Variants in FHIP1A observed in about 807,000 individuals in gnomAD.
FHIP1A encodes FHF complex subunit HOOK interacting protein 1A, also known as FHF complex subunit HOOK-interacting protein 1A.
FHIP1A carries 61 observed loss-of-function variants against 88.6 expected under a neutral mutation model. The observed-to-expected ratio is 0.69, with a 90% CI of 0.56 to 0.85. The LOEUF is 0.85. Ranked by LOEUF, FHIP1A falls within the 40% of genes least tolerant of loss-of-function variation. The probability of loss-of-function intolerance (pLI) is 0.00; values close to 1 mark genes in which losing one functional copy is unlikely to be tolerated. For synonymous variants in FHIP1A, 478 were observed against 496.0 expected (o/e 0.96, Z 0.48); for missense variants, 1,154 against 1,273.5 (o/e 0.91, Z 1.43).
At chr4:151,516,875 A>ACAATGTGGAACTAG (rs1731259325) in intron 3 of FHIP1A, among the ~76,000 whole-genome samples, 9 of 151,912 alleles carry the variant, frequency 5.9e-5, no homozygotes, top group Admixed American at 5.9e-4. Flanking sequence ...TAGTTCAACC[A>ACAATGTGGAACTAG]TTGTGGAAGT....
chr4:151,581,853 C>T (rs978744535), intron 5 of FHIP1A, among the ~76,000 whole-genome samples: 4 of 152,196 alleles, frequency 2.6e-5, no homozygotes, highest in African/African-American at 9.6e-5. Flanking sequence ...AATCGGACCA[C>T]TTTTGGAAAC....
At chr4:151,437,231 T>C (rs1053686209) in intron 1 of FHIP1A, among the ~76,000 whole-genome samples, 1 of 152,032 alleles carries the variant, frequency 6.6e-6, no homozygotes, top group Non-Finnish European at 1.5e-5. Context: ...GTGGTGATCA[T>C]GTTAAGGAGA....
At chr4:151,652,330 A>G (rs1478753973) in intron 11 of FHIP1A, among the ~76,000 whole-genome samples, 2 of 152,206 alleles carry the variant, frequency 1.3e-5, no homozygotes, top group Non-Finnish European at 2.9e-5. Flanking sequence ...GCTTTAGGAA[A>G]CATCTCTCTT....
chr4:151,555,602 A>G (rs1419493924), intron 3 of FHIP1A, among the ~76,000 whole-genome samples: 1 of 152,134 alleles, frequency 6.6e-6, no homozygotes, highest in Non-Finnish European at 1.5e-5. Flanking sequence ...AAAACTCTCA[A>G]CTGTGTACAG....
At chr4:151,417,971 A>G (rs2709824) in intron 1 of FHIP1A, among the ~76,000 whole-genome samples, 53,359 of 151,720 alleles carry the variant, frequency 0.35, 9,979 homozygotes, top group Non-Finnish European at 0.43. Flanking sequence ...GAAGTTTGAC[A>G]CCAGCCTGGG....
intron 7 of FHIP1A, among the ~76,000 whole-genome samples, chr4:151,617,493 A>G (rs1220290045): frequency 6.6e-6 from 1 of 152,098 alleles, no homozygotes; most frequent in Non-Finnish European, 1.5e-5. Context: ...ATGCAGATGT[A>G]AAGTCTGATC....
intron 2 of FHIP1A, among the ~76,000 whole-genome samples, chr4:151,470,502 A>G (rs1322055250): frequency 6.6e-6 from 1 of 152,162 alleles, no homozygotes; most frequent in Non-Finnish European, 1.5e-5. Context: ...GTCAGTAAAA[A>G]AGGTATTAGT....
At chr4:151,601,010 G>A (rs539938010) in intron 7 of FHIP1A, among the ~76,000 whole-genome samples, 3 of 152,232 alleles carry the variant, frequency 2.0e-5, no homozygotes, top group Non-Finnish European at 4.4e-5. Flanking sequence ...AAGAATTTGT[G>A]GCCATATTCT....
At position 151,669,132 on chromosome 4, in the gene FHIP1A, G is replaced by C. The variant is rs1211860793; in HGVS notation, c.*6378G>C. On this transcript the variant is annotated 3_prime_UTR_variant, in exon 14 of 14. Transcript: ENST00000435205. ...TTTGCGAATTTCTTGGGGTGTTAAT[G>C]TAAACATATCTTTAGAATATCTCAT... Among the ~76,000 whole-genome samples, 1 of 152,242 alleles carries C rather than the reference G, an allele frequency of 6.6e-6. No homozygotes were observed. Among genetic ancestry groups the C allele is most frequent in the Non-Finnish European group, 1.5e-5 (1 of 68,052 alleles).
intron 3 of FHIP1A, among the ~76,000 whole-genome samples, chr4:151,488,647 G>A (rs558163602): frequency 2.6e-5 from 4 of 152,164 alleles, no homozygotes; most frequent in Admixed American, 1.3e-4. Flanking sequence ...TTTCCTTTGG[G>A]TATATACCCA....
At chr4:151,559,635 A>G (rs1219056467) in intron 3 of FHIP1A, among the ~76,000 whole-genome samples, 1 of 152,210 alleles carries the variant, frequency 6.6e-6, no homozygotes, top group Non-Finnish European at 1.5e-5. Flanking sequence ...ATAGTATTCC[A>G]TTACATAGAA....
chr4:151,567,698 T>C (rs1733441116), intron 4 of FHIP1A, among the ~76,000 whole-genome samples: 1 of 152,186 alleles, frequency 6.6e-6, no homozygotes, highest in African/African-American at 2.4e-5. Context: ...GAAGGTCTGT[T>C]TCTATCTTTA....
At position 151,485,282 on chromosome 4, in the gene FHIP1A, G is replaced by GTTTTTTTTTTTT. The variant is rs74327398; in HGVS notation, c.-123+2643_-123+2654dup. ...TCGAGCATAGTTTGGATCTTTTCCAGTTTTTTTTTTTTTTTTTTTTGTCTG... is the reference window on the plus strand; with the variant it reads ...TCGAGCATAGTTTGGATCTTTTCCAGTTTTTTTTTTTTTTTTTTTTTTTTTTTTTTTTGTCTG... On this transcript the variant is annotated intron_variant, in intron 3 of 13. Transcript: ENST00000435205. Among the ~76,000 whole-genome samples, 113 of 118,712 alleles carry GTTTTTTTTTTTT rather than the reference G, an allele frequency of 9.5e-4. 2 individuals carry two copies. The highest frequency in any genetic ancestry group is 4.7e-3 in the Middle Eastern group (1 of 214). The allele number at this position is 118,712 out of a possible 152,430, so 77.9% of individuals were successfully genotyped here. A position where few individuals can be genotyped will look rare whatever the true frequency, so the allele number is the denominator to read the frequency against.
At chr4:151,574,814 G>A (rs912929968) in intron 4 of FHIP1A, among the ~76,000 whole-genome samples, 2 of 151,934 alleles carry the variant, frequency 1.3e-5, no homozygotes, top group East Asian at 1.9e-4. Flanking sequence ...GATATAAAAC[G>A]AATTTACTTA....
intron 8 of FHIP1A, among the ~76,000 whole-genome samples, chr4:151,638,315 T>TGTGTGTGTGTGTG (rs1736435392): frequency 7.0e-6 from 1 of 143,818 alleles, no homozygotes. Flanking sequence ...AAATAGGAGA[T>TGTGTGTGTGTGTG]TGTGTGTGTG....
chr4:151,605,377 G>T (rs1325576031), intron 7 of FHIP1A, among the ~76,000 whole-genome samples: 1 of 152,136 alleles, frequency 6.6e-6, no homozygotes, highest in African/African-American at 2.4e-5. Context: ...AGATGGAAGG[G>T]AAGATAATTA....
intron 3 of FHIP1A, among the ~76,000 whole-genome samples, chr4:151,532,710 G>A (rs1308158377): frequency 1.3e-5 from 2 of 152,172 alleles, no homozygotes; most frequent in African/African-American, 4.8e-5. Context: ...GATAGTAGGA[G>A]AAGACATACT....
chr4:151,532,302 C>T (rs1452860099), intron 3 of FHIP1A, among the ~76,000 whole-genome samples: 1 of 152,144 alleles, frequency 6.6e-6, no homozygotes, highest in African/African-American at 2.4e-5. Flanking sequence ...TTTGCCAGAT[C>T]CTTTGTACAT....
At position 151,650,411 on chromosome 4, in the gene FHIP1A, A is replaced by G; in HGVS notation, c.2370A>G (p.Glu790=). Residue 790 remains glutamate (E), a synonymous_variant, in exon 11 of 14, where the codon GAA becomes GAG. Transcript: ENST00000435205. ...LLLTKEEEGK[E]ESKGEKEKEG... ...TCACTAAGGAGGAAGAAGGGAAGGAAGAGAGTAAAGGAGAAAAGGAGAAGG... is the reference window on the plus strand; with the variant it reads ...TCACTAAGGAGGAAGAAGGGAAGGAGGAGAGTAAAGGAGAAAAGGAGAAGG... 2.6e-6 allele frequency: 4 copies of G among 1,551,706 alleles called. No individual in the cohort carries two copies. Among genetic ancestry groups the G allele is most frequent in the Non-Finnish European group, 3.5e-6 (4 of 1,146,946 alleles).
Sources: allele counts gnomAD v4.1 joint callset (sites outside exome capture counted in the v4.1 genomes callset), GRCh38; gene constraint gnomAD v4.1.1; transcripts MANE v1.5; gene names NCBI Gene and HGNC (gene_info 2026-07-23, HGNC 2026-07-21).